The following RAB28 variants were observed in gnomAD, a reference collection of about 807,000 sequenced individuals.
The protein encoded by RAB28 is ras-related protein Rab-28.
RAB28 carries 24 observed loss-of-function variants against 31.7 expected under a neutral mutation model. That is an observed-to-expected ratio of 0.76 (90% CI 0.55 to 1.06). The LOEUF is 1.06. Among genes scored for constraint, RAB28 ranks in the 50% least tolerant of loss-of-function variants. The pLI is 0.00. For synonymous variants in RAB28, 100 were observed against 90.4 expected, an observed-to-expected ratio of 1.11 and a Z score of -0.60; for missense variants, 254 against 258.5, an observed-to-expected ratio of 0.98 and a Z score of 0.12.
At chr4:13,422,980 A>T (rs914157532) in intron 4 of RAB28, among the ~76,000 whole-genome samples, 1 of 150,268 alleles carries the variant, frequency 6.7e-6, no homozygotes, top group African/African-American at 2.4e-5. Context: ...ATTTTACCTC[A>T]AAAAAAAAAT....
chr4:13,404,978 G>C (rs1380134909), intron 4 of RAB28, among the ~76,000 whole-genome samples: 1 of 146,554 alleles, frequency 6.8e-6, no homozygotes, highest in Non-Finnish European at 1.5e-5. Context: ...TTCTAAAACA[G>C]AATTTAATAA....
chr4:13,441,515 A>G (rs912442162), intron 4 of RAB28, among the ~76,000 whole-genome samples: 2 of 152,220 alleles, frequency 1.3e-5, no homozygotes, highest in Admixed American at 6.5e-5. Flanking sequence ...CTGTAAATCA[A>G]TGTGCTACAG....
chr4:13,433,077 T>C (rs150409481), intron 4 of RAB28, among the ~76,000 whole-genome samples: 1 of 150,732 alleles, frequency 6.6e-6, no homozygotes, highest in East Asian at 1.9e-4. Flanking sequence ...CCATCTCACC[T>C]CTAATGACAC....
Position 13,465,754 on chromosome 4 carries a change from A to AACACACACAC in RAB28, c.262-4936_262-4927dup, listed in dbSNP as rs33979911. Among the ~76,000 whole-genome samples the AACACACACAC allele has an allele frequency of 6.9e-3, 977 of 142,174 alleles. 16 individuals are homozygous for AACACACACAC. The highest frequency in any genetic ancestry group is 0.023 in the African/African-American group (873 of 38,470). 93.3% of individuals were successfully genotyped at this position (142,174 alleles called of 152,430 possible). On this transcript the variant is annotated intron_variant, in intron 3 of 6. Coordinates refer to ENST00000330852, the MANE Select transcript of RAB28 (RefSeq NM_001017979.3). The stretch of plus-strand genomic sequence containing the variant: ...AGCTCAAATAACCAAGGCAATCATG[A>AACACACACAC]ACACACACACACACACACACACACA...
At chr4:13,448,061 C>T (rs1248231105) in intron 4 of RAB28, among the ~76,000 whole-genome samples, 5 of 152,056 alleles carry the variant, frequency 3.3e-5, no homozygotes, top group South Asian at 2.1e-4. Context: ...TCCAAGCTCA[C>T]GTAACTAGAT....
At chr4:13,460,920 T>C in intron 3 of RAB28, 92 bp from the exon 4 acceptor site, 1 of 1,232,234 alleles carries the variant, frequency 8.1e-7, no homozygotes, top group Non-Finnish European at 1.1e-6. Context: ...TATGTCAAAA[T>C]GGGTATAAAA....
chr4:13,459,970 C>T (rs1715503808), intron 4 of RAB28: 2 of 1,200,704 alleles, frequency 1.7e-6, no homozygotes, highest in South Asian at 2.5e-5. Flanking sequence ...AACTTACCTT[C>T]ACAGGAATTG....
chr4:13,473,694 T>C (rs1716217805), intron 3 of RAB28: 1 of 267,630 alleles, frequency 3.7e-6, no homozygotes, highest in Non-Finnish European at 7.5e-6. Flanking sequence ...TCATGGAGAA[T>C]ATAAGCTCAT....
intron 4 of RAB28, among the ~76,000 whole-genome samples, chr4:13,394,135 A>G (rs1469477041): frequency 6.6e-6 from 1 of 152,150 alleles, no homozygotes; most frequent in Non-Finnish European, 1.5e-5. Flanking sequence ...GAAAGAGAGG[A>G]GTAGGAATCA....
At chr4:13,472,322 C>A (rs925065400) in intron 3 of RAB28, among the ~76,000 whole-genome samples, 1 of 151,560 alleles carries the variant, frequency 6.6e-6, no homozygotes, top group Non-Finnish European at 1.5e-5. Context: ...TGATTATACA[C>A]TTCAGAATGG....
At chr4:13,461,266 C>T (rs1715578315) in intron 3 of RAB28, among the ~76,000 whole-genome samples, 1 of 152,128 alleles carries the variant, frequency 6.6e-6, no homozygotes, top group African/African-American at 2.4e-5. Flanking sequence ...ACAGAGATTC[C>T]ATGATATCCC....
At chr4:13,447,201 T>C (rs1714744958) in intron 4 of RAB28, among the ~76,000 whole-genome samples, 1 of 152,202 alleles carries the variant, frequency 6.6e-6, no homozygotes. Context: ...TTATCCACTA[T>C]AGCATACTCT....
intron 4 of RAB28, among the ~76,000 whole-genome samples, chr4:13,411,662 A>G (rs2108909914): frequency 6.6e-6 from 1 of 152,276 alleles, no homozygotes; most frequent in South Asian, 2.1e-4. Context: ...AGAGTAATTT[A>G]CTGTTAAAAC....
intron 6 of RAB28, chr4:13,371,833 C>G (rs1560264548): frequency 1.3e-6 from 2 of 1,547,346 alleles, no homozygotes; most frequent in South Asian, 2.4e-5. Context: ...CGATTATTCT[C>G]TATTAGTTGA....
chr4:13,400,782 T>C (rs984551529), intron 4 of RAB28, among the ~76,000 whole-genome samples: 2 of 152,178 alleles, frequency 1.3e-5, no homozygotes, highest in African/African-American at 4.8e-5. Context: ...TAACTATAAA[T>C]GGATGCTGAA....
At chr4:13,377,748 T>A (rs2108879177) in intron 5 of RAB28, among the ~76,000 whole-genome samples, 1 of 152,282 alleles carries the variant, frequency 6.6e-6, no homozygotes, top group South Asian at 2.1e-4. Context: ...GCAAAGAAAC[T>A]AATGTAAAAT....
Position 13,368,372 on chromosome 4 carries a change from G to T in RAB28, c.*186C>A. On this transcript the variant is annotated 3_prime_UTR_variant, in exon 7 of 7. Transcript: ENST00000330852. ...TGAATTCAAAGTGTGTGGTCCCAAA[G>T]TTGAATTCTTTCAAATCCAAGGAGC... The T allele has an allele frequency of 8.1e-7, 1 of 1,235,536 alleles. No homozygotes were observed. The highest frequency in any genetic ancestry group is 3.3e-5 in the East Asian group (1 of 30,650). 76.5% of individuals were successfully genotyped at this position (1,235,536 alleles called of 1,614,324 possible). A position where few individuals can be genotyped will look rare whatever the true frequency, so the allele number is the denominator to read the frequency against.
chr4:13,424,698 G>T (rs73229681), intron 4 of RAB28, among the ~76,000 whole-genome samples: 2,097 of 152,192 alleles, frequency 0.014, 24 homozygotes, highest in Middle Eastern at 0.044. Flanking sequence ...TAGTATACAG[G>T]CAACTGCCTA....
At chr4:13,390,767 T>A (rs1391731056) in intron 4 of RAB28, among the ~76,000 whole-genome samples, 1 of 152,158 alleles carries the variant, frequency 6.6e-6, no homozygotes, top group Non-Finnish European at 1.5e-5. Context: ...TACAACCATC[T>A]GATCTTTGAC....
Sources: allele counts gnomAD v4.1 joint callset (sites outside exome capture counted in the v4.1 genomes callset), GRCh38; gene constraint gnomAD v4.1.1; transcripts MANE v1.5; gene names NCBI Gene and HGNC (gene_info 2026-07-23, HGNC 2026-07-21).